E2F8: variants seen among roughly 807,000 people sequenced by gnomAD.
E2F8 encodes transcription factor E2F8.
A neutral mutation model predicts 80.8 loss-of-function variants in E2F8; 35 were observed. That is an observed-to-expected ratio of 0.43 (90% CI 0.33 to 0.57). The LOEUF (loss-of-function observed/expected upper bound fraction) is 0.57, where lower values mean the gene tolerates loss of function less well. Ranked by LOEUF, E2F8 falls within the 20% of genes least tolerant of loss-of-function variation. The pLI is 0.04. For missense variants in E2F8, 975 were observed against 1,056.2 expected, an observed-to-expected ratio of 0.92 and a Z score of 1.07; for synonymous variants, 386 against 395.0, an observed-to-expected ratio of 0.98 and a Z score of 0.27.
Position 19,237,986 on chromosome 11 carries a change from T to A in E2F8, c.162A>T (p.Gly54=). 1 of 1,614,230 alleles carries A rather than the reference T, an allele frequency of 6.2e-7. No individual in the cohort carries two copies. Among genetic ancestry groups the A allele is most frequent in the Non-Finnish European group, 8.5e-7 (1 of 1,180,046 alleles). The change falls in exon 3 of 13, where the codon GGA becomes GGT. Residue 54 remains glycine, a synonymous_variant. Transcript: ENST00000250024. ...TPTKPKEGSQ[G]EPWTPTANLK... ...GGTTGGCTGTCGGTGTCCACGGCTC[T>A]CCCTGAGAGCCTTCCTTGGGCTTGG...
chr11:19,241,201 GGGCAAACCCGCGCCCGGAACCAC>G (rs1427305925), upstream of E2F8, among the ~76,000 whole-genome samples: 9 of 152,302 alleles, frequency 5.9e-5, no homozygotes, highest in East Asian at 3.9e-4. This position sits in a 1 kb window ranked among gnomAD's most constrained non-coding sequence, Gnocchi z 4.5. Flanking sequence ...GCCTGAGCGC[GGGCAAACCCGCGCCCGGAACCAC>G]GGCAACCCCG....
At chr11:19,231,095 TTTTC>T (rs1240843278) in intron 7 of E2F8, among the ~76,000 whole-genome samples, 6 of 152,208 alleles carry the variant, frequency 3.9e-5, no homozygotes, top group African/African-American at 1.4e-4. Context: ...TATTAGTGAT[TTTTC>T]TTTCTTAGTG....
chr11:19,226,707 A>G (rs922303248), intron 10 of E2F8, among the ~76,000 whole-genome samples: 1 of 152,226 alleles, frequency 6.6e-6, no homozygotes, highest in Non-Finnish European at 1.5e-5. Flanking sequence ...TAAAACCCAA[A>G]AAATGTCTAC....
rs770549294 is a variant in E2F8 at position 19,229,456 on chromosome 11, C to T, written c.1891G>A (p.Ala631Thr). 25 of 1,611,088 alleles carry T rather than the reference C, an allele frequency of 1.6e-5. No individual in the cohort carries two copies. The highest frequency in any genetic ancestry group is 6.6e-5 in the South Asian group (6 of 90,534). The change falls in exon 10 of 13, where the codon GCA (alanine) becomes ACA (threonine). Residue 631 changes from alanine (A) to threonine (T), a missense_variant and splice_region_variant. Ala to Thr is a moderately conservative substitution (Grantham distance 58). Coordinates refer to ENST00000250024, the MANE Select transcript of E2F8 (RefSeq NM_024680.4). The surrounding 1 kb of genome is among the most constrained non-coding windows in gnomAD (Gnocchi z 4.3). ...EDLKGLENVS[A>T]TLFPSGYLIP... ...GTGCAGTTCAAGGCTGTACTTACTGCGGAGACATTTTCAAGTCCTTTTAGG... is the reference window on the plus strand; with the variant it reads ...GTGCAGTTCAAGGCTGTACTTACTGTGGAGACATTTTCAAGTCCTTTTAGG...
chr11:19,224,483 G>GTA lies in E2F8; in HGVS notation c.*174_*175insTA. ...TATACAAATATATGTGTGTGTGTGT[G>GTA]TGTGTGTGTGTGTGTATATATATAT... is the stretch of plus-strand genomic sequence containing the variant. On this transcript the variant is annotated 3_prime_UTR_variant, in exon 13 of 13. Coordinates refer to ENST00000250024, the MANE Select transcript of E2F8 (RefSeq NM_024680.4). 3.8e-6 allele frequency: 2 copies of GTA among 532,408 alleles called. No individual in the cohort carries two copies. The highest frequency in any genetic ancestry group is 3.3e-6 in the Non-Finnish European group (1 of 305,150). The allele number at this position is 532,408 out of a possible 1,614,324, so 33.0% of individuals were successfully genotyped here.
intron 7 of E2F8, 151 bp from the exon 8 acceptor site, chr11:19,230,985 T>A: frequency 3.0e-6 from 2 of 672,860 alleles, no homozygotes; most frequent in Non-Finnish European, 5.0e-6. Flanking sequence ...GAGAAAGCCT[T>A]GTTTATCTTA....
upstream of E2F8, chr11:19,241,294 C>T (rs1851659388): frequency 6.5e-6 from 1 of 155,018 alleles, no homozygotes; most frequent in African/African-American, 2.4e-5. This position sits in a 1 kb window ranked among gnomAD's most constrained non-coding sequence, Gnocchi z 4.5. Flanking sequence ...CCCTCACGGC[C>T]CCCGGCGAAG....
At chr11:19,235,597 C>T (rs1034514271) in intron 4 of E2F8, among the ~76,000 whole-genome samples, 1 of 152,040 alleles carries the variant, frequency 6.6e-6, no homozygotes. Flanking sequence ...TGCAGTGAGC[C>T]TAGATCGCGC....
In E2F8 at chr11:19,238,051, C is replaced by A. The variant is rs200312339; in HGVS notation, c.97G>T (p.Ala33Ser). The change falls in exon 3 of 13, where the codon GCA becomes TCA. Residue 33 changes from alanine (A) to serine (S), a missense_variant. By Grantham distance (99) the Ala-to-Ser change is moderately conservative. Transcript: ENST00000250024. ...KESTTANIVL[A>S]EIQPDFGPLT... ...GGGCCAAAGTCAGGCTGGATCTCTG[C>A]CAACACGATATTTGCTGTGGTGGAT... The A allele has an allele frequency of 6.2e-7, 1 of 1,614,086 alleles. No individual in the cohort carries two copies. The highest frequency in any genetic ancestry group is 1.3e-5 in the African/African-American group (1 of 74,922).
intron 12 of E2F8, 116 bp downstream of exon 12, chr11:19,225,105 G>C: frequency 7.0e-7 from 1 of 1,437,912 alleles, no homozygotes; most frequent in Non-Finnish European, 9.3e-7. Context: ...TCAATCTCCT[G>C]ACTTTCCCAT....
chr11:19,224,562 C>G lies in E2F8; in HGVS notation c.*96G>C. ...ATTGAACAAATCCCCAACGTATTTACAGTATTTTCAGAGAATGTGTTCTCC... is the reference window on the plus strand; with the variant it reads ...ATTGAACAAATCCCCAACGTATTTAGAGTATTTTCAGAGAATGTGTTCTCC... On this transcript the variant is annotated 3_prime_UTR_variant, in exon 13 of 13. Transcript: ENST00000250024. 3 of 1,271,656 alleles carry G rather than the reference C, an allele frequency of 2.4e-6. No homozygotes were observed. Among genetic ancestry groups the G allele is most frequent in the Non-Finnish European group, 2.2e-6 (2 of 915,672 alleles). 78.8% of individuals were successfully genotyped at this position (1,271,656 alleles called of 1,614,324 possible). A position where few individuals can be genotyped will look rare whatever the true frequency, so the allele number is the denominator to read the frequency against.
intron 2 of E2F8, 148 bp downstream of exon 2, chr11:19,239,959 G>A (rs1369965991): frequency 2.3e-6 from 1 of 427,520 alleles, no homozygotes; most frequent in East Asian, 3.6e-5. Context: ...GAAACTATAA[G>A]ATAAGGTTCA....
chr11:19,240,177 C>A lies in E2F8; in HGVS notation c.-56G>T. The A allele has an allele frequency of 7.7e-7, 1 of 1,291,912 alleles. No homozygotes were observed. Among genetic ancestry groups the A allele is most frequent in the Non-Finnish European group, 1.1e-6 (1 of 947,856 alleles). The allele number at this position is 1,291,912 out of a possible 1,614,324, so 80.0% of individuals were successfully genotyped here. On this transcript the variant is annotated 5_prime_UTR_variant, in exon 2 of 13. Transcript: ENST00000250024. ...AAAATGAAAAATCTGGAGTTCCTCC[C>A]CAAATCCCGATGGTTCAAGTAGTCC... is the stretch of plus-strand genomic sequence containing the variant.
At chr11:19,235,541 C>T (rs1435499259) in intron 4 of E2F8, among the ~76,000 whole-genome samples, 2 of 152,038 alleles carry the variant, frequency 1.3e-5, no homozygotes, top group African/African-American at 4.8e-5. Flanking sequence ...CCCAGCTACT[C>T]AGGAGGCTGA....
At position 19,229,238 on chromosome 11, in the gene E2F8, C is replaced by G. The variant is rs190666691; in HGVS notation, c.1893+216G>C. 2.0e-4 allele frequency among the ~76,000 whole-genome samples: 31 copies of G among 152,302 alleles called. No homozygotes were observed. Among genetic ancestry groups the G allele is most frequent in the African/African-American group, 6.7e-4 (28 of 41,568 alleles). On this transcript the variant is annotated intron_variant, in intron 10 of 12. Coordinates refer to ENST00000250024, the MANE Select transcript of E2F8 (RefSeq NM_024680.4). The surrounding 1 kb of genome is among the most constrained non-coding windows in gnomAD (Gnocchi z 4.3). ...AACCACCCATGGTACTTTAAAAAGACAGCAAATAATCCCTTCCTCCAAAGG... is the reference window on the plus strand; with the variant it reads ...AACCACCCATGGTACTTTAAAAAGAGAGCAAATAATCCCTTCCTCCAAAGG...
chr11:19,240,808 C>T lies in E2F8; in HGVS notation c.-370G>A, dbSNP rs547540037. The T allele has an allele frequency of 9.9e-5, 15 of 152,208 alleles. No individual in the cohort carries two copies. In the South Asian group the frequency reaches 3.1e-3, roughly 32 times the overall value. The allele number at this position is 152,208 out of a possible 1,614,324, so 9.4% of individuals were successfully genotyped here. Reference sequence around the variant, plus strand: ...CTTTTTTTTTAAATTTAAAAAAGGGCTTCCTTAAAGATACAAAGCACTATT... The same window carrying T: ...CTTTTTTTTTAAATTTAAAAAAGGGTTTCCTTAAAGATACAAAGCACTATT... On this transcript the variant is annotated 5_prime_UTR_variant, in exon 1 of 13. Transcript: ENST00000250024.
rs534438900 is a variant in E2F8 at position 19,229,418 on chromosome 11, T to C, written c.1893+36A>G. 6.4e-7 allele frequency: 1 copy of C among 1,561,360 alleles called. No individual in the cohort carries two copies. Among genetic ancestry groups the C allele is most frequent in the East Asian group, 2.2e-5 (1 of 44,530 alleles). On this transcript the variant is annotated intron_variant, in intron 10 of 12. Coordinates refer to ENST00000250024, the MANE Select transcript of E2F8 (RefSeq NM_024680.4). This position sits in a 1 kb window ranked among gnomAD's most constrained non-coding sequence, Gnocchi z 4.3. ...AATCTTCCTGTAATAGACTAGGGAA[T>C]TCCTAAAGCTTTGTGCAGTTCAAGG...
chr11:19,225,512 TAC>T lies in E2F8; in HGVS notation c.2128_2129del (p.Val710ThrfsTer59). ...LMVSPTSVAA[V>X]PVGNSPALAS... is the part of the protein sequence containing the mutation. ...CGAGAGCCGGGCTGTTCCCGACAGG[TAC>T]GGCTGCCACGGAAGTTGGTGAGACC... On this transcript the variant is annotated frameshift_variant, in exon 12 of 13. Transcript: ENST00000250024. LOFTEE classifies it high-confidence loss of function. 1 of 1,614,188 alleles carries T rather than the reference TAC, an allele frequency of 6.2e-7. No homozygotes were observed. The highest frequency in any genetic ancestry group is 8.5e-7 in the Non-Finnish European group (1 of 1,180,036).
intron 12 of E2F8, 187 bp from the exon 13 acceptor site, chr11:19,225,027 T>C (rs2133550900): frequency 8.8e-7 from 1 of 1,130,032 alleles, no homozygotes; most frequent in South Asian, 1.6e-5. Context: ...GAGACAAAAA[T>C]CTCATGATAA....
Sources: gnomAD v4.1 joint callset for allele counts (sites outside exome capture counted in the v4.1 genomes callset) on GRCh38, gnomAD v4.1.1 for gene constraint, Gnocchi (gnomAD v3.1) non-coding constraint, MANE v1.5 for transcripts, NCBI Gene and HGNC (gene_info 2026-07-23, HGNC 2026-07-21) for gene names.